Variants in NRXN1 observed in about 807,000 individuals in gnomAD.
NRXN1 encodes the protein neurexin-1.
A neutral mutation model predicts 150.9 loss-of-function variants in NRXN1; 39 were observed. That is an observed-to-expected ratio of 0.26 (90% CI 0.20 to 0.34). NRXN1 has a LOEUF of 0.34. Ranked by LOEUF, NRXN1 falls within the 10% of genes least tolerant of loss-of-function variation. NRXN1 has a pLI of 1.00. For synonymous variants in NRXN1, 924 were observed against 757.0 expected, an observed-to-expected ratio of 1.22 and a Z score of -3.62; for missense variants, 1,815 against 1,949.9, an observed-to-expected ratio of 0.93 and a Z score of 1.30.
At chr2:50,676,182 C>G (rs1315481369) in intron 5 of NRXN1, among the ~76,000 whole-genome samples, 1 of 152,082 alleles carries the variant, frequency 6.6e-6, no homozygotes, top group Non-Finnish European at 1.5e-5. Context: ...TGCTCCCTCT[C>G]TCACCATGTG....
rs946080592 is a variant in NRXN1, at chr2:50,663,244, A to G, written c.833-39629T>C. 2.8e-4 allele frequency among the ~76,000 whole-genome samples: 42 copies of G among 152,176 alleles called. 1 individual carries two copies. The highest frequency in any genetic ancestry group is 9.9e-4 in the African/African-American group (41 of 41,580). ...TGCCTCCAAAGAAATTATTTTCTCT[A>G]GAAAATCACCTTGTTCCTTCCAACT... is the stretch of plus-strand genomic sequence containing the variant. On this transcript the variant is annotated intron_variant, in intron 5 of 22. Transcript: ENST00000401669.
At chr2:50,498,922 T>A (rs1483689620) in intron 13 of NRXN1, among the ~76,000 whole-genome samples, 1 of 152,192 alleles carries the variant, frequency 6.6e-6, no homozygotes, top group Admixed American at 6.5e-5. Context: ...CTTTCCATCA[T>A]CCACATTATT....
intron 18 of NRXN1, among the ~76,000 whole-genome samples, chr2:50,188,193 G>A (rs981128239): frequency 6.6e-6 from 1 of 152,116 alleles, no homozygotes; most frequent in African/African-American, 2.4e-5. Flanking sequence ...CAATGGAACA[G>A]AATGGAGGCC....
At chr2:50,656,043 A>G (rs199740705) in intron 5 of NRXN1, among the ~76,000 whole-genome samples, 24 of 151,986 alleles carry the variant, frequency 1.6e-4, no homozygotes, top group Admixed American at 1.6e-3. Context: ...CAGTTGTACC[A>G]TCAAAATAAA....
At chr2:50,795,167 G>A (rs770206168) in intron 5 of NRXN1, among the ~76,000 whole-genome samples, 1 of 152,070 alleles carries the variant, frequency 6.6e-6, no homozygotes, top group South Asian at 2.1e-4. Flanking sequence ...TTTACACTGA[G>A]CATCAGGAGT....
chr2:50,656,354 G>A (rs758467354), intron 5 of NRXN1: 2 of 776,170 alleles, frequency 2.6e-6, no homozygotes, highest in Non-Finnish European at 4.8e-6. Context: ...AAGAGTACCT[G>A]AGTCTGTACT....
chr2:51,013,730 T>C (rs1668251829), intron 2 of NRXN1, among the ~76,000 whole-genome samples: 1 of 152,076 alleles, frequency 6.6e-6, no homozygotes, highest in Non-Finnish European at 1.5e-5. Context: ...CCACTTCTGC[T>C]GACCTGTTCT....
At chr2:49,996,263 G>A (rs1682983787) in intron 21 of NRXN1, among the ~76,000 whole-genome samples, 1 of 152,120 alleles carries the variant, frequency 6.6e-6, no homozygotes, top group African/African-American at 2.4e-5. Context: ...TCTTTGCCTG[G>A]AAGGATGAAA....
intron 19 of NRXN1, among the ~76,000 whole-genome samples, chr2:50,074,466 T>G (rs552649483): frequency 6.6e-6 from 1 of 152,260 alleles, no homozygotes; most frequent in East Asian, 1.9e-4. Context: ...ATATCTTCTG[T>G]AAAATGGGGA....
chr2:50,423,734 G>A (rs1468721302), intron 17 of NRXN1, among the ~76,000 whole-genome samples: 1 of 151,948 alleles, frequency 6.6e-6, no homozygotes, highest in Non-Finnish European at 1.5e-5. Context: ...ACATGATAAA[G>A]CATCAGATAG....
intron 14 of NRXN1, 62 bp from the exon 15 acceptor site, chr2:50,496,157 T>G: frequency 7.6e-7 from 1 of 1,309,010 alleles, no homozygotes; most frequent in Non-Finnish European, 1.1e-6. Flanking sequence ...GAACCTAAAG[T>G]AGATATTACA....
intron 17 of NRXN1, among the ~76,000 whole-genome samples, chr2:50,326,819 T>C (rs1375556214): frequency 6.6e-6 from 1 of 152,202 alleles, no homozygotes; most frequent in East Asian, 1.9e-4. Context: ...ACACCTATGG[T>C]GCAATTTACT....
At chr2:50,126,344 G>A (rs1704582695) in intron 18 of NRXN1, among the ~76,000 whole-genome samples, 1 of 151,860 alleles carries the variant, frequency 6.6e-6, no homozygotes, top group Non-Finnish European at 1.5e-5. Context: ...ATTATAACAG[G>A]CACTCTGTTT....
rs143509307 is a variant in NRXN1, at chr2:49,956,120, C to T, written c.4129-12329G>A. Among the ~76,000 whole-genome samples, 170 of 152,138 alleles carry T rather than the reference C, an allele frequency of 1.1e-3. 5 individuals are homozygous for T. The East Asian group carries it at 0.03, about 27-fold the overall frequency. ...CCCCAGGGCCTGCCACAGTACCTAG[C>T]ATGTAAGAGACAAATATCTGGCCAA... On this transcript the variant is annotated intron_variant, in intron 21 of 22. Transcript: ENST00000401669.
At chr2:51,006,306 AAC>A (rs544155981) in intron 2 of NRXN1, among the ~76,000 whole-genome samples, 159 of 151,764 alleles carry the variant, frequency 1.0e-3, no homozygotes, top group African/African-American at 3.8e-3. Flanking sequence ...CAAAAAACCA[AAC>A]ACAGCATGTT....
chr2:50,978,864 G>T (rs2104860159), intron 2 of NRXN1, among the ~76,000 whole-genome samples: 1 of 152,126 alleles, frequency 6.6e-6, no homozygotes, highest in East Asian at 1.9e-4. Flanking sequence ...AGGACTATAA[G>T]TAATGCTCTG....
At chr2:50,376,046 T>TATATATAC (rs1553516368) in intron 17 of NRXN1, among the ~76,000 whole-genome samples, 1,828 of 148,710 alleles carry the variant, frequency 0.012, 9 homozygotes, top group Non-Finnish European at 0.018. Flanking sequence ...CATATATATA[T>TATATATAC]ACACACACAC....
intron 5 of NRXN1, among the ~76,000 whole-genome samples, chr2:50,888,240 T>C (rs1307535545): frequency 6.6e-6 from 1 of 151,368 alleles, no homozygotes; most frequent in Non-Finnish European, 1.5e-5. Flanking sequence ...GCAAAAACCT[T>C]TGGAAATTAT....
At chr2:50,753,824 T>C (rs1332088452) in intron 5 of NRXN1, among the ~76,000 whole-genome samples, 1 of 151,794 alleles carries the variant, frequency 6.6e-6, no homozygotes, top group African/African-American at 2.4e-5. Flanking sequence ...AGAGAATTTT[T>C]TACTGCTGCA....
Sources: gnomAD v4.1 joint callset for allele counts (sites outside exome capture counted in the v4.1 genomes callset) on GRCh38, gnomAD v4.1.1 for gene constraint, MANE v1.5 for transcripts, NCBI Gene and HGNC (gene_info 2026-07-23, HGNC 2026-07-21) for gene names.